Variants in UGT8 observed in about 807,000 individuals in gnomAD.
UGT8 encodes 2-hydroxyacylsphingosine 1-beta-galactosyltransferase.
A neutral mutation model predicts 40.5 loss-of-function variants in UGT8; 12 were observed. The observed-to-expected ratio is 0.30, with a 90% CI of 0.19 to 0.48. The LOEUF (loss-of-function observed/expected upper bound fraction) is 0.48, where lower values mean the gene tolerates loss of function less well. Among genes scored for constraint, UGT8 ranks in the 20% least tolerant of loss-of-function variants. The probability of loss-of-function intolerance (pLI) is 0.99; values close to 1 mark genes in which losing one functional copy is unlikely to be tolerated. For synonymous variants in UGT8, 224 were observed against 240.4 expected, an observed-to-expected ratio of 0.93 and a Z score of 0.63; for missense variants, 513 against 648.7, an observed-to-expected ratio of 0.79 and a Z score of 2.27.
intron 2 of UGT8, among the ~76,000 whole-genome samples, chr4:114,656,282 G>C (rs537581344): frequency 6.6e-6 from 1 of 151,316 alleles, no homozygotes; most frequent in African/African-American, 2.4e-5. Context: ...TTTTCTTTTT[G>C]TTTTTGTTTT....
In UGT8 at chr4:114,623,224, A is replaced by G. The variant is rs776592565; in HGVS notation, c.344A>G (p.Asp115Gly). 1 of 1,614,204 alleles carries G rather than the reference A, an allele frequency of 6.2e-7. No individual in the cohort carries two copies. The highest frequency in any genetic ancestry group is 1.1e-5 in the South Asian group (1 of 91,086). Residue 115 changes from aspartate to glycine, a missense_variant, in exon 2 of 6, where the codon GAC (aspartate) becomes GGC (glycine). Asp to Gly is a moderately conservative substitution (Grantham distance 94). Coordinates refer to ENST00000310836, the MANE Select transcript of UGT8 (RefSeq NM_001128174.3). ...DILDHYTKNC[D>G]LMVGNHALIQ... ...CTGGATCACTATACTAAGAACTGTG[A>G]CCTGATGGTTGGCAACCATGCCCTG...
At chr4:114,639,571 A>G (rs971564282) in intron 2 of UGT8, among the ~76,000 whole-genome samples, 1 of 152,164 alleles carries the variant, frequency 6.6e-6, no homozygotes, top group Non-Finnish European at 1.5e-5. Context: ...TGACTTTTCC[A>G]TAACAACTGA....
intron 2 of UGT8, among the ~76,000 whole-genome samples, chr4:114,647,492 A>G (rs1268238369): frequency 6.6e-6 from 1 of 151,588 alleles, no homozygotes; most frequent in East Asian, 1.9e-4. Flanking sequence ...CAGCCTCCTG[A>G]GTAGCTGGGA....
At chr4:114,624,920 A>G (rs971291250) in intron 2 of UGT8, among the ~76,000 whole-genome samples, 9 of 152,198 alleles carry the variant, frequency 5.9e-5, no homozygotes, top group African/African-American at 1.7e-4. Context: ...GATTAATCTC[A>G]GCTTATCTTA....
intron 2 of UGT8, among the ~76,000 whole-genome samples, chr4:114,655,539 A>G (rs1041233334): frequency 6.6e-6 from 1 of 152,058 alleles, no homozygotes; most frequent in Non-Finnish European, 1.5e-5. Flanking sequence ...CTTTTGTAAT[A>G]TAACAATCCC....
Position 114,676,338 on chromosome 4 carries a change from A to G in UGT8, c.*50A>G. On this transcript the variant is annotated 3_prime_UTR_variant, in exon 6 of 6. Coordinates refer to ENST00000310836, the MANE Select transcript of UGT8 (RefSeq NM_001128174.3). ...AAATTGGTTCACTCATTGAATTTTT[A>G]TTGCTATTATTTAGTCTAACAGCTA... The G allele has an allele frequency of 6.9e-7, 1 of 1,454,712 alleles. No individual in the cohort carries two copies. Among genetic ancestry groups the G allele is most frequent in the Non-Finnish European group, 9.3e-7 (1 of 1,080,724 alleles). The allele number at this position is 1,454,712 out of a possible 1,614,324, so 90.1% of individuals were successfully genotyped here. A position where few individuals can be genotyped will look rare whatever the true frequency, so the allele number is the denominator to read the frequency against.
intron 1 of UGT8, among the ~76,000 whole-genome samples, chr4:114,602,518 C>T (rs1355761152): frequency 1.3e-5 from 2 of 152,188 alleles, no homozygotes; most frequent in Non-Finnish European, 2.9e-5. Context: ...TGAAGCATTT[C>T]ACAAACATTC....
intron 2 of UGT8, among the ~76,000 whole-genome samples, chr4:114,637,632 A>C (rs1030110688): frequency 1.3e-5 from 2 of 152,318 alleles, no homozygotes; most frequent in African/African-American, 4.8e-5. Context: ...GACATTTGAG[A>C]GGCCAAAATA....
intron 2 of UGT8, among the ~76,000 whole-genome samples, chr4:114,644,504 A>G (rs1020538488): frequency 1.3e-5 from 2 of 152,132 alleles, no homozygotes; most frequent in Non-Finnish European, 2.9e-5. Flanking sequence ...TTGAAATGCA[A>G]TGATTCTTTT....
intron 1 of UGT8, among the ~76,000 whole-genome samples, chr4:114,609,657 A>G (rs1228624300): frequency 6.6e-6 from 1 of 152,148 alleles, no homozygotes; most frequent in African/African-American, 2.4e-5. Flanking sequence ...TGGGATAGGC[A>G]TCTGCCCATC....
chr4:114,651,297 A>C (rs1733882660), intron 2 of UGT8, among the ~76,000 whole-genome samples: 2 of 152,128 alleles, frequency 1.3e-5, no homozygotes, highest in African/African-American at 4.8e-5. Flanking sequence ...GTTTGACTTG[A>C]AAAGACTTGA....
In UGT8 at chr4:114,677,253, G is replaced by T. The variant is rs929988030; in HGVS notation, c.*965G>T. 6.6e-6 allele frequency: 1 copy of T among 152,086 alleles called. No homozygotes were observed. Among genetic ancestry groups the T allele is most frequent in the African/African-American group, 2.4e-5 (1 of 41,408 alleles). 9.4% of individuals were successfully genotyped at this position (152,086 alleles called of 1,614,324 possible). On this transcript the variant is annotated 3_prime_UTR_variant, in exon 6 of 6. Coordinates refer to ENST00000310836, the MANE Select transcript of UGT8 (RefSeq NM_001128174.3). Reference sequence around the variant, plus strand: ...CTATAATGTAATTTTTGAATGTTCAGGTGTTACATTTCCAAAGTTTAACTT... The same window carrying T: ...CTATAATGTAATTTTTGAATGTTCATGTGTTACATTTCCAAAGTTTAACTT...
At chr4:114,618,837 T>C (rs1037153528) in intron 1 of UGT8, among the ~76,000 whole-genome samples, 37 of 152,130 alleles carry the variant, frequency 2.4e-4, no homozygotes, top group African/African-American at 8.9e-4. Context: ...TTTTCAAATA[T>C]AAAGCAAATT....
In UGT8 at chr4:114,663,986, G is replaced by T; in HGVS notation, c.823-9G>T. ...TTCGTAAAACTTACTGCCATGTTTT[G>T]ATTTACAGGATCTCCAAAGATGGGT... On this transcript the variant is annotated splice_polypyrimidine_tract_variant and intron_variant, in intron 2 of 5. Transcript: ENST00000310836. 6.2e-7 allele frequency: 1 copy of T among 1,613,120 alleles called. No homozygotes were observed. Among genetic ancestry groups the T allele is most frequent in the South Asian group, 1.1e-5 (1 of 90,890 alleles).
intron 2 of UGT8, among the ~76,000 whole-genome samples, chr4:114,639,504 T>A (rs1733084228): frequency 6.6e-6 from 1 of 152,206 alleles, no homozygotes; most frequent in Non-Finnish European, 1.5e-5. Flanking sequence ...ATGAAGAATC[T>A]GTGTTTTGTA....
Position 114,676,663 on chromosome 4 carries a change from GTT to G in UGT8, c.*377_*378del, listed in dbSNP as rs1491387739. The G allele has an allele frequency of 5.6e-5, 9 of 159,998 alleles. No homozygotes were observed. Among genetic ancestry groups the G allele is most frequent in the African/African-American group, 1.8e-4 (7 of 39,424 alleles). The allele number at this position is 159,998 out of a possible 1,614,324, so 9.9% of individuals were successfully genotyped here. ...TGTATGTGTGTGTGTGTGTGTGTGT[GTT>G]TGTGTGTGTGTGTGTGTGTCCTAAT... On this transcript the variant is annotated 3_prime_UTR_variant, in exon 6 of 6. Transcript: ENST00000310836.
chr4:114,653,899 T>G (rs1292577977), intron 2 of UGT8, among the ~76,000 whole-genome samples: 1 of 152,068 alleles, frequency 6.6e-6, no homozygotes, highest in Non-Finnish European at 1.5e-5. Flanking sequence ...CTTATATTCC[T>G]GACACCTGGT....
At chr4:114,669,965 T>C (rs1253668448) in intron 5 of UGT8, among the ~76,000 whole-genome samples, 5 of 152,164 alleles carry the variant, frequency 3.3e-5, no homozygotes, top group Admixed American at 3.3e-4. Context: ...ATTTAACAGG[T>C]GATAATTATT....
At chr4:114,621,220 G>C (rs1731768844) in intron 1 of UGT8, among the ~76,000 whole-genome samples, 2 of 152,266 alleles carry the variant, frequency 1.3e-5, no homozygotes, top group Middle Eastern at 6.8e-3. Context: ...TTGCACCTGA[G>C]TTAAAGGTAC....
Sources: allele counts gnomAD v4.1 joint callset (sites outside exome capture counted in the v4.1 genomes callset), GRCh38; gene constraint gnomAD v4.1.1; transcripts MANE v1.5; gene names NCBI Gene and HGNC (gene_info 2026-07-23, HGNC 2026-07-21).